Variants in MMS22L observed in about 807,000 individuals in gnomAD.
MMS22L encodes the protein MMS22 like, DNA repair protein, also known as protein MMS22-like.
A neutral mutation model predicts 159.1 loss-of-function variants in MMS22L; 74 were observed. The observed-to-expected ratio is 0.47, with a 90% confidence interval of 0.39 to 0.56. The LOEUF (loss-of-function observed/expected upper bound fraction) is 0.56. Ranked by LOEUF, MMS22L falls within the 20% of genes least tolerant of loss-of-function variation. The pLI, the probability that MMS22L is intolerant of heterozygous loss-of-function variation, is 0.00. For synonymous variants in MMS22L, 517 were observed against 506.9 expected (o/e 1.02, Z -0.27); for missense variants, 1,351 against 1,422.1 (o/e 0.95, Z 0.80).
chr6:97,175,478 G>A (rs944230912), intron 18 of MMS22L, among the ~76,000 whole-genome samples: 5 of 152,092 alleles, frequency 3.3e-5, no homozygotes, highest in Non-Finnish European at 7.4e-5. Flanking sequence ...CTAAACCATG[G>A]TGTCTGAAAC....
chr6:97,186,630 C>T lies in MMS22L; in HGVS notation c.2100G>A (p.Gln700=). The T allele has an allele frequency of 6.2e-7, 1 of 1,610,354 alleles. No homozygotes were observed. Among genetic ancestry groups the T allele is most frequent in the Non-Finnish European group, 8.5e-7 (1 of 1,178,448 alleles). The change falls in exon 15 of 25, where the codon CAG becomes CAA. Residue 700 remains glutamine, a synonymous_variant. Coordinates refer to ENST00000683635, the MANE Select transcript of MMS22L (RefSeq NM_001350599.2). The part of the protein sequence containing the change: ...LQRDNVDLFV[Q]SSLSAKERHL... ...GGCGCTCTTTAGCCGATAATGAAGA[C>T]TGTACAAATAGGTCCACATTGTCCC... is the stretch of plus-strand genomic sequence containing the variant.
Position 97,173,161 on chromosome 6 carries a change from TTTG to T in MMS22L, c.2738_2740del (p.Thr913del). On this transcript the variant is annotated inframe_deletion, in exon 19 of 25. Coordinates refer to ENST00000683635, the MANE Select transcript of MMS22L (RefSeq NM_001350599.2). ...TACTTCACCAAGGTATTCCAAGGACTTTGTGACCATGGCAGATTTATCAGAAAG... is the reference window on the plus strand; with the variant it reads ...TACTTCACCAAGGTATTCCAAGGACTTGACCATGGCAGATTTATCAGAAAG... 1.2e-6 allele frequency: 2 copies of T among 1,613,702 alleles called. No individual in the cohort carries two copies. The highest frequency in any genetic ancestry group is 2.2e-5 in the South Asian group (2 of 91,044).
At chr6:97,183,998 G>A (rs1159985961) in intron 15 of MMS22L, among the ~76,000 whole-genome samples, 1 of 152,014 alleles carries the variant, frequency 6.6e-6, no homozygotes, top group Non-Finnish European at 1.5e-5. Context: ...ATCTAAATTT[G>A]CAGTCTGGAA....
intron 14 of MMS22L, among the ~76,000 whole-genome samples, chr6:97,194,333 G>A (rs1342038739): frequency 1.3e-5 from 2 of 152,120 alleles, no homozygotes; most frequent in Non-Finnish European, 2.9e-5. Flanking sequence ...TGGGATTCTA[G>A]GCGTTAGCCA....
intron 14 of MMS22L, among the ~76,000 whole-genome samples, chr6:97,187,374 C>A (rs976814766): frequency 6.6e-6 from 1 of 152,094 alleles, no homozygotes; most frequent in Non-Finnish European, 1.5e-5. Flanking sequence ...TTAATAGAAA[C>A]GTGCAGGAAA....
At chr6:97,158,511 T>A (rs1184329092) in intron 22 of MMS22L, among the ~76,000 whole-genome samples, 1 of 152,206 alleles carries the variant, frequency 6.6e-6, no homozygotes, top group Admixed American at 6.5e-5. Flanking sequence ...GTACGTTATA[T>A]CTTTGTTCTC....
intron 14 of MMS22L, among the ~76,000 whole-genome samples, chr6:97,208,599 T>A (rs1233438758): frequency 6.6e-6 from 1 of 151,846 alleles, no homozygotes; most frequent in Admixed American, 6.6e-5. Flanking sequence ...CGAAAGGAAA[T>A]AAACTTTCCA....
chr6:97,148,307 T>C (rs1801011149), intron 24 of MMS22L, among the ~76,000 whole-genome samples: 1 of 152,238 alleles, frequency 6.6e-6, no homozygotes, highest in African/African-American at 2.4e-5. Flanking sequence ...CTTTACTTTT[T>C]ATTGTTATTT....
chr6:97,229,226 G>T lies in MMS22L; in HGVS notation c.1707C>A (p.Leu569=). ...KPAFVTSQRA[L]IWKGHMAFLL... ...GGAAGGCCATGTGACCCTTCCAAAT[G>T]AGGGCTCTCTGAGACGTTACAAAAG... is the stretch of plus-strand genomic sequence containing the variant. The change falls in exon 14 of 25, where the codon CTC becomes CTA. Residue 569 remains leucine (L), a synonymous_variant. Transcript: ENST00000683635. 1 of 1,614,064 alleles carries T rather than the reference G, an allele frequency of 6.2e-7. No homozygotes were observed. The highest frequency in any genetic ancestry group is 8.5e-7 in the Non-Finnish European group (1 of 1,180,002).
At chr6:97,172,882 A>G (rs1259067417) in intron 19 of MMS22L, among the ~76,000 whole-genome samples, 181 bp downstream of exon 19, 1 of 152,208 alleles carries the variant, frequency 6.6e-6, no homozygotes, top group Admixed American at 6.6e-5. Flanking sequence ...AAAGAGATAG[A>G]GCAAGACAGA....
intron 15 of MMS22L, among the ~76,000 whole-genome samples, chr6:97,183,859 A>G (rs748215517): frequency 5.9e-5 from 9 of 152,168 alleles, no homozygotes; most frequent in Non-Finnish European, 1.3e-4. Flanking sequence ...TCCTGTCAGC[A>G]TTTTAAATAT....
intron 4 of MMS22L, among the ~76,000 whole-genome samples, chr6:97,276,228 A>AT (rs1816229480): frequency 6.6e-6 from 1 of 152,170 alleles, no homozygotes; most frequent in Non-Finnish European, 1.5e-5. Flanking sequence ...TGGCAGGGAC[A>AT]TGTTCATGTA....
At chr6:97,188,078 G>T (rs1805439530) in intron 14 of MMS22L, among the ~76,000 whole-genome samples, 1 of 152,146 alleles carries the variant, frequency 6.6e-6, no homozygotes, top group South Asian at 2.1e-4. Flanking sequence ...ACTTGAACTA[G>T]TGGCTAGAGA....
At chr6:97,153,305 C>T (rs562032179) in intron 22 of MMS22L, among the ~76,000 whole-genome samples, 1 of 150,626 alleles carries the variant, frequency 6.6e-6, no homozygotes, top group South Asian at 2.1e-4. Flanking sequence ...ATTCCACACT[C>T]TTTAGCTATC....
chr6:97,233,720 C>T (rs1264628834), intron 12 of MMS22L, 141 bp downstream of exon 12: 4 of 739,534 alleles, frequency 5.4e-6, no homozygotes, highest in Admixed American at 3.9e-5. Flanking sequence ...AAACTATTCA[C>T]GAGCTACTCC....
chr6:97,217,922 T>C (rs1809200761), intron 14 of MMS22L, among the ~76,000 whole-genome samples: 2 of 152,182 alleles, frequency 1.3e-5, no homozygotes, highest in South Asian at 4.1e-4. Flanking sequence ...TCCAAATGCC[T>C]TCCTTCCACT....
intron 14 of MMS22L, among the ~76,000 whole-genome samples, chr6:97,221,652 C>G (rs1364772404): frequency 6.6e-6 from 1 of 151,898 alleles, no homozygotes; most frequent in African/African-American, 2.4e-5. Flanking sequence ...CTTAGAGATA[C>G]CCATGCTTTC....
intron 24 of MMS22L, 121 bp from the exon 25 acceptor site, chr6:97,147,008 C>G: frequency 1.6e-6 from 1 of 628,420 alleles, no homozygotes; most frequent in African/African-American, 2.0e-5. Flanking sequence ...ATCCATCCAG[C>G]AGGCTTAGCA....
rs1204062457 is a variant in MMS22L, at chr6:97,272,901, A to G, written c.429-20T>C. On this transcript the variant is annotated intron_variant, in intron 5 of 24. Coordinates refer to ENST00000683635, the MANE Select transcript of MMS22L (RefSeq NM_001350599.2). Reference sequence around the variant, plus strand: ...AGATACCTAAAAAATAATTAGATAAAATAAACAACTAGAGTCTGTGTGAAT... The same window carrying G: ...AGATACCTAAAAAATAATTAGATAAGATAAACAACTAGAGTCTGTGTGAAT... The G allele has an allele frequency of 1.2e-6, 2 of 1,608,546 alleles. No homozygotes were observed. Among genetic ancestry groups the G allele is most frequent in the Non-Finnish European group, 8.5e-7 (1 of 1,178,192 alleles).
Sources: allele counts gnomAD v4.1 joint callset (sites outside exome capture counted in the v4.1 genomes callset), GRCh38; gene constraint gnomAD v4.1.1; transcripts MANE v1.5; gene names NCBI Gene and HGNC (gene_info 2026-07-23, HGNC 2026-07-21).